Variants in PCDHA8 observed in about 807,000 individuals in gnomAD.
PCDHA8 encodes the protein protocadherin alpha-8.
A neutral mutation model predicts 61.8 loss-of-function variants in PCDHA8; 53 were observed. That is an observed-to-expected ratio of 0.86 (90% CI 0.69 to 1.08). The LOEUF is 1.08. Among genes scored for constraint, PCDHA8 ranks in the 50% least tolerant of loss-of-function variants. The probability of loss-of-function intolerance (pLI) is 0.00; values close to 1 mark genes in which losing one functional copy is unlikely to be tolerated. For synonymous variants in PCDHA8, 618 were observed against 556.6 expected (o/e 1.11, Z -1.55); for missense variants, 1,293 against 1,245.0 (o/e 1.04, Z -0.58).
chr5:140,953,960 A>G (rs2153700982), intron 1 of PCDHA8, among the ~76,000 whole-genome samples: 1 of 152,088 alleles, frequency 6.6e-6, no homozygotes, highest in South Asian at 2.1e-4. Flanking sequence ...AACAGGCCCC[A>G]GTGTGTGTTG....
At chr5:140,848,866 A>G (rs200652127) in intron 1 of PCDHA8, 6 of 1,590,776 alleles carry the variant, frequency 3.8e-6, no homozygotes, top group Admixed American at 1.7e-5. Flanking sequence ...GTGGAGGTGA[A>G]GGACATTAAC....
chr5:140,977,712 T>C (rs2153814265), intron 1 of PCDHA8, among the ~76,000 whole-genome samples: 1 of 152,306 alleles, frequency 6.6e-6, no homozygotes, highest in South Asian at 2.1e-4. Context: ...AATATTGAGA[T>C]GGTGATCATT....
At chr5:140,873,310 G>A (rs2054217209) in intron 1 of PCDHA8, among the ~76,000 whole-genome samples, 1 of 152,176 alleles carries the variant, frequency 6.6e-6, no homozygotes, top group Admixed American at 6.6e-5. Context: ...TAATAAAGGT[G>A]AATATTAGAT....
At chr5:140,926,255 G>T (rs562420240) in intron 1 of PCDHA8, 1 of 152,224 alleles carries the variant, frequency 6.6e-6, no homozygotes, top group African/African-American at 2.4e-5. Flanking sequence ...TCACCGTCCC[G>T]CCTCTCGCCG....
At position 140,843,072 on chromosome 5, in the gene PCDHA8, C is replaced by G. The variant is rs2150351828; in HGVS notation, c.1751C>G (p.Ser584Cys). 29 of 1,595,290 alleles carry G rather than the reference C, an allele frequency of 1.8e-5. 2 individuals carry two copies. Among genetic ancestry groups the G allele is most frequent in the Middle Eastern group, 1.7e-4 (1 of 5,908 alleles). The change falls in exon 1 of 4, where the codon TCT becomes TGT. Residue 584 changes from serine to cysteine, a missense_variant. Ser to Cys is a moderately radical substitution (Grantham distance 112, BLOSUM62 -1). Transcript: ENST00000531613. ...GCAGCGAGCAAGCTGGTGCCGCGGTCTGTGGGCGCGGGCCACGTGGTAGCG... is the reference window on the plus strand; with the variant it reads ...GCAGCGAGCAAGCTGGTGCCGCGGTGTGTGGGCGCGGGCCACGTGGTAGCG... ...GGAASKLVPR[S>C]VGAGHVVAKV...
chr5:140,927,685 A>G lies in PCDHA8; in HGVS notation c.2395-51264A>G, dbSNP rs782137754. 2.5e-6 allele frequency: 4 copies of G among 1,614,092 alleles called. No individual in the cohort carries two copies. In the African/African-American group the frequency reaches 4.0e-5, roughly 16 times the overall value. ...AGCCTTGGATCCAGATGAAGGGTCC[A>G]ATGGGGAAGTCCAGTACTCCCTAAG... is the stretch of plus-strand genomic sequence containing the variant. On this transcript the variant is annotated intron_variant, in intron 1 of 3. Transcript: ENST00000531613.
At chr5:140,978,462 G>T (rs939639463) in intron 1 of PCDHA8, among the ~76,000 whole-genome samples, 3 of 152,222 alleles carry the variant, frequency 2.0e-5, no homozygotes, top group Admixed American at 1.3e-4. Flanking sequence ...TCCGCCCTGG[G>T]TCAAATATGC....
rs2098421437 is a variant in PCDHA8, at chr5:141,011,660, T to G, written c.*1723T>G. The G allele has an allele frequency of 6.5e-6, 1 of 153,726 alleles. No individual in the cohort carries two copies. Among genetic ancestry groups the G allele is most frequent in the African/African-American group, 2.4e-5 (1 of 41,436 alleles). The allele number at this position is 153,726 out of a possible 1,614,324, so 9.5% of individuals were successfully genotyped here. On this transcript the variant is annotated 3_prime_UTR_variant, in exon 4 of 4. Coordinates refer to ENST00000531613, the MANE Select transcript of PCDHA8 (RefSeq NM_018911.3). ...GCCAAGACTTCTGCTGGCAAGGGAATGGATAAAGCTGTTTTGTTCTAGTAA... is the reference window on the plus strand; with the variant it reads ...GCCAAGACTTCTGCTGGCAAGGGAAGGGATAAAGCTGTTTTGTTCTAGTAA...
At chr5:140,937,070 C>G (rs1363778213) in intron 1 of PCDHA8, among the ~76,000 whole-genome samples, 2 of 147,796 alleles carry the variant, frequency 1.4e-5, no homozygotes, top group Admixed American at 1.4e-4. Context: ...CGGAGTCTCG[C>G]TCTGTCGCCC....
chr5:140,876,312 G>C (rs557901977), intron 1 of PCDHA8: 1 of 1,614,036 alleles, frequency 6.2e-7, no homozygotes. Context: ...TTTCCTATGG[G>C]ATCAAAATGA....
Position 140,882,921 on chromosome 5 carries a change from G to A in PCDHA8, c.2394+39206G>A, listed in dbSNP as rs1554176106. ...TTATTACTGACAGCCAGTGATGGAG[G>A]TAAACCCGAGCTGACTGGCACAGTT... On this transcript the variant is annotated intron_variant, in intron 1 of 3. Coordinates refer to ENST00000531613, the MANE Select transcript of PCDHA8 (RefSeq NM_018911.3). 5.0e-6 allele frequency: 8 copies of A among 1,614,194 alleles called. No individual in the cohort carries two copies. Among genetic ancestry groups the A allele is most frequent in the Non-Finnish European group, 6.8e-6 (8 of 1,180,048 alleles).
intron 1 of PCDHA8, among the ~76,000 whole-genome samples, chr5:140,940,028 G>C (rs782276273): frequency 3.2e-4 from 48 of 152,048 alleles, no homozygotes; most frequent in Non-Finnish European, 5.4e-4. Context: ...ATGTTTTAAG[G>C]CTATTTTATT....
intron 3 of PCDHA8, among the ~76,000 whole-genome samples, chr5:140,997,511 G>T (rs565737825): frequency 6.6e-6 from 1 of 151,992 alleles, no homozygotes; most frequent in Non-Finnish European, 1.5e-5. Flanking sequence ...ATACCTAAAC[G>T]CAGAAAAAGT....
chr5:140,937,937 G>T (rs1584936873), intron 1 of PCDHA8, among the ~76,000 whole-genome samples: 1 of 151,274 alleles, frequency 6.6e-6, no homozygotes. Flanking sequence ...AGTTTAATTT[G>T]ATAATTGGCT....
chr5:140,954,638 T>C (rs1297767818), intron 1 of PCDHA8, among the ~76,000 whole-genome samples: 2 of 152,212 alleles, frequency 1.3e-5, no homozygotes, highest in Non-Finnish European at 2.9e-5. Flanking sequence ...TTCTTGTAAA[T>C]TTGTTTAAGT....
chr5:141,000,413 A>T (rs1563651324), intron 3 of PCDHA8, among the ~76,000 whole-genome samples: 4 of 93,212 alleles, frequency 4.3e-5, no homozygotes, highest in African/African-American at 1.8e-4. Flanking sequence ...ATATATATAT[A>T]TATATATATT....
chr5:140,869,853 C>A (rs1408875478), intron 1 of PCDHA8: 1 of 1,610,606 alleles, frequency 6.2e-7, no homozygotes, highest in Admixed American at 1.7e-5. Context: ...ATAAGGTGAG[C>A]CTTATGGAAA....
At chr5:140,995,342 A>G (rs2097678065) in intron 3 of PCDHA8, among the ~76,000 whole-genome samples, 1 of 152,122 alleles carries the variant, frequency 6.6e-6, no homozygotes, top group African/African-American at 2.4e-5. Flanking sequence ...TGTAGACGGC[A>G]TGGATAGGTC....
At chr5:140,963,615 T>A (rs2095780964) in intron 1 of PCDHA8, among the ~76,000 whole-genome samples, 1 of 152,248 alleles carries the variant, frequency 6.6e-6, no homozygotes, top group African/African-American at 2.4e-5. Context: ...TGGGAAAGCT[T>A]AACTTTGTTG....
Sources: allele counts gnomAD v4.1 joint callset (sites outside exome capture counted in the v4.1 genomes callset), GRCh38; gene constraint gnomAD v4.1.1; transcripts MANE v1.5; gene names NCBI Gene and HGNC (gene_info 2026-07-23, HGNC 2026-07-21).